RHBDD1: variants seen among roughly 807,000 people sequenced by gnomAD.
The protein encoded by RHBDD1 is rhomboid-related protein 4.
In RHBDD1, 38 loss-of-function variants were observed where a neutral mutation model predicts 36.3. The ratio of observed to expected loss-of-function variants is 1.05; its 90% CI spans 0.81 to 1.37. The LOEUF is 1.37. RHBDD1 is among the 40% of genes most tolerant of loss of function. RHBDD1 has a pLI of 0.00. For missense variants in RHBDD1, 393 were observed against 377.6 expected (o/e 1.04, Z -0.34); for synonymous variants, 151 against 136.5 (o/e 1.11, Z -0.74).
intron 8 of RHBDD1, among the ~76,000 whole-genome samples, chr2:226,974,638 T>A (rs1954227065): frequency 6.6e-6 from 1 of 152,202 alleles, no homozygotes; most frequent in Admixed American, 6.5e-5. Flanking sequence ...AGTTATTACA[T>A]TCTTCTGGTT....
intron 8 of RHBDD1, among the ~76,000 whole-genome samples, chr2:226,948,965 C>CA (rs1488849447): frequency 1.3e-4 from 20 of 152,138 alleles, no homozygotes; most frequent in Non-Finnish European, 7.4e-5. Flanking sequence ...AATCAATGTG[C>CA]AAAAATCACA....
At chr2:226,978,559 C>G (rs900934613) in intron 8 of RHBDD1, among the ~76,000 whole-genome samples, 1 of 152,236 alleles carries the variant, frequency 6.6e-6, no homozygotes, top group Non-Finnish European at 1.5e-5. Context: ...TAGCACTCTA[C>G]ACCTCCTTCC....
chr2:226,960,386 C>A (rs1054706653), intron 8 of RHBDD1, among the ~76,000 whole-genome samples: 1 of 152,202 alleles, frequency 6.6e-6, no homozygotes, highest in Non-Finnish European at 1.5e-5. Flanking sequence ...TCACATCCAG[C>A]TTACTCTGTG....
chr2:226,926,834 G>A (rs914410984), intron 8 of RHBDD1, among the ~76,000 whole-genome samples: 3 of 152,022 alleles, frequency 2.0e-5, no homozygotes, highest in Middle Eastern at 3.2e-3. Context: ...TTCAAGTAAT[G>A]GTTTTTGTAG....
chr2:226,955,328 G>A (rs1337382230), intron 8 of RHBDD1, among the ~76,000 whole-genome samples: 1 of 152,234 alleles, frequency 6.6e-6, no homozygotes, highest in Non-Finnish European at 1.5e-5. Context: ...TAGAAAGTTT[G>A]CGGTGTTTTG....
chr2:226,838,031 T>G (rs1285696993), intron 1 of RHBDD1, 42 bp from the exon 2 acceptor site: 1 of 152,192 alleles, frequency 6.6e-6, no homozygotes, highest in Non-Finnish European at 1.5e-5. Context: ...ACCTGCTGTG[T>G]TTTTTAGATG....
intron 8 of RHBDD1, among the ~76,000 whole-genome samples, chr2:226,984,051 G>C (rs1226988329): frequency 6.6e-6 from 1 of 152,136 alleles, no homozygotes; most frequent in African/African-American, 2.4e-5. Context: ...TGCTGTCTCC[G>C]GCAATTATGA....
intron 8 of RHBDD1, among the ~76,000 whole-genome samples, chr2:226,962,636 A>G (rs1262706437): frequency 6.6e-6 from 1 of 152,238 alleles, no homozygotes; most frequent in Non-Finnish European, 1.5e-5. Flanking sequence ...ATTTTCCAGT[A>G]TGCAGGAACT....
intron 8 of RHBDD1, among the ~76,000 whole-genome samples, chr2:226,964,106 A>G (rs983136119): frequency 1.3e-5 from 2 of 152,002 alleles, no homozygotes; most frequent in Admixed American, 6.6e-5. Context: ...CTCCTCTCCT[A>G]TCTTGAGAGA....
intron 7 of RHBDD1, among the ~76,000 whole-genome samples, chr2:226,912,246 A>G (rs1057494495): frequency 1.3e-5 from 2 of 152,178 alleles, no homozygotes; most frequent in Non-Finnish European, 2.9e-5. Flanking sequence ...ACCCACATAC[A>G]CTGCTTGTAG....
chr2:226,932,132 G>A (rs879790054), intron 8 of RHBDD1, among the ~76,000 whole-genome samples: 1 of 151,948 alleles, frequency 6.6e-6, no homozygotes, highest in Admixed American at 6.6e-5. Flanking sequence ...CTGTTGAGAC[G>A]ATTATATAGT....
chr2:226,909,540 A>G (rs550608618), intron 7 of RHBDD1, among the ~76,000 whole-genome samples: 1 of 152,210 alleles, frequency 6.6e-6, no homozygotes, highest in Admixed American at 6.5e-5. Flanking sequence ...CCCCAAATTC[A>G]TACGTTGAAA....
In RHBDD1 at chr2:226,997,815, CACA is replaced by C. The variant is rs1344903738; in HGVS notation, c.*2298_*2300del. The C allele has an allele frequency of 6.6e-6, 1 of 152,110 alleles. No individual in the cohort carries two copies. The highest frequency in any genetic ancestry group is 1.9e-4 in the East Asian group (1 of 5,200). The allele number at this position is 152,110 out of a possible 1,614,324, so 9.4% of individuals were successfully genotyped here. A position where few individuals can be genotyped will look rare whatever the true frequency, so the allele number is the denominator to read the frequency against. Reference sequence around the variant, plus strand: ...TATAAATGTAAACCAATTACTTTAGCACAACAATAAAGATGTTCTGGAAATTAT... The same window carrying C: ...TATAAATGTAAACCAATTACTTTAGCACAATAAAGATGTTCTGGAAATTAT... On this transcript the variant is annotated 3_prime_UTR_variant, in exon 9 of 9. Coordinates refer to ENST00000392062, the MANE Select transcript of RHBDD1 (RefSeq NM_001167608.3).
intron 8 of RHBDD1, among the ~76,000 whole-genome samples, chr2:226,956,003 A>G (rs1171704125): frequency 2.0e-5 from 3 of 152,196 alleles, no homozygotes; most frequent in Admixed American, 6.5e-5. Flanking sequence ...ACTTGGATTC[A>G]TATATTGCAG....
chr2:226,975,329 C>T (rs973713296), intron 8 of RHBDD1, among the ~76,000 whole-genome samples: 4 of 152,092 alleles, frequency 2.6e-5, no homozygotes, highest in Admixed American at 2.0e-4. Flanking sequence ...AAAATCATCA[C>T]GTTGTACACC....
chr2:226,903,129 C>T (rs1457833391), intron 5 of RHBDD1, among the ~76,000 whole-genome samples: 1 of 152,110 alleles, frequency 6.6e-6, no homozygotes, highest in African/African-American at 2.4e-5. Context: ...CTGCCACTTT[C>T]TTTGTCATTT....
At chr2:226,866,742 C>G (rs945362416) in intron 4 of RHBDD1, among the ~76,000 whole-genome samples, 1 of 152,134 alleles carries the variant, frequency 6.6e-6, no homozygotes, top group Non-Finnish European at 1.5e-5. Flanking sequence ...CCCTTTCCTT[C>G]CAAGATGTAT....
intron 8 of RHBDD1, among the ~76,000 whole-genome samples, chr2:226,963,873 A>G (rs1450370875): frequency 6.6e-6 from 1 of 152,122 alleles, no homozygotes; most frequent in Non-Finnish European, 1.5e-5. Context: ...TGAAAACTAC[A>G]AACGAACCTA....
At chr2:226,850,577 G>C (rs1942708388) in intron 3 of RHBDD1, among the ~76,000 whole-genome samples, 1 of 152,024 alleles carries the variant, frequency 6.6e-6, no homozygotes, top group Non-Finnish European at 1.5e-5. Flanking sequence ...TTCTGAGATG[G>C]TGCCATCCTG....
Sources: gnomAD v4.1 joint callset for allele counts (sites outside exome capture counted in the v4.1 genomes callset) on GRCh38, gnomAD v4.1.1 for gene constraint, MANE v1.5 for transcripts, NCBI Gene and HGNC (gene_info 2026-07-23, HGNC 2026-07-21) for gene names.